Variants in NCOA4 observed in about 807,000 individuals in gnomAD.
NCOA4 encodes nuclear receptor coactivator 4.
A neutral mutation model predicts 69.5 loss-of-function variants in NCOA4; 31 were observed. The ratio of observed to expected loss-of-function variants is 0.45; its 90% CI spans 0.34 to 0.60. The LOEUF (loss-of-function observed/expected upper bound fraction) is 0.60, where lower values mean the gene tolerates loss of function less well. Among genes scored for constraint, NCOA4 ranks in the 20% least tolerant of loss-of-function variants. NCOA4 has a pLI of 0.02. For missense variants in NCOA4, 600 were observed against 719.2 expected (o/e 0.83, Z 1.90); for synonymous variants, 228 against 252.4 (o/e 0.90, Z 0.92).
In NCOA4 at chr10:46,006,429, C is replaced by T. The variant is rs1838811421; in HGVS notation, c.*163G>A. Reference sequence around the variant, plus strand: ...AGCATTTTTCTTTTAAACAGTAACTCATAATCTGATGACTCACTTTGCTTT... The same window carrying T: ...AGCATTTTTCTTTTAAACAGTAACTTATAATCTGATGACTCACTTTGCTTT... On this transcript the variant is annotated 3_prime_UTR_variant, in exon 10 of 10. Coordinates refer to ENST00000581486, the MANE Select transcript of NCOA4 (RefSeq NM_001145263.2). The T allele has an allele frequency of 1.3e-6, 1 of 746,436 alleles. No individual in the cohort carries two copies. Among genetic ancestry groups the T allele is most frequent in the Non-Finnish European group, 2.4e-6 (1 of 420,294 alleles). The allele number at this position is 746,436 out of a possible 1,614,324, so 46.2% of individuals were successfully genotyped here.
Position 46,010,732 on chromosome 10 carries a change from G to A in NCOA4, c.1189C>T (p.Pro397Ser). Residue 397 changes from proline (P) to serine (S), a missense_variant, in exon 8 of 10, where the codon CCA becomes TCA. Physicochemically the swap from Pro to Ser is moderately conservative, Grantham distance 74. Transcript: ENST00000581486. ...CTGCACACCTCCTCTACCTTACATG[G>A]GTCCTGATGGTTCTGGACAAGCCAA... is the stretch of plus-strand genomic sequence containing the variant. The part of the protein sequence containing the change: ...EDWLVQNHQD[P>S]CKVEEVCRAN... 2 of 1,613,820 alleles carry A rather than the reference G, an allele frequency of 1.2e-6. No homozygotes were observed. The highest frequency in any genetic ancestry group is 1.1e-5 in the South Asian group (1 of 91,068).
At position 46,005,268 on chromosome 10, in the gene NCOA4, G is replaced by A. The variant is rs1444756049; in HGVS notation, c.*1324C>T. On this transcript the variant is annotated 3_prime_UTR_variant, in exon 10 of 10. Transcript: ENST00000581486. The stretch of plus-strand genomic sequence containing the variant: ...GATAACTGGAAAGGCTCCTTACATT[G>A]TTTTTGCCCACCACCTTTATATAAT... The A allele has an allele frequency of 1.4e-5, 3 of 214,126 alleles. No homozygotes were observed. The highest frequency in any genetic ancestry group is 6.8e-5 in the African/African-American group (3 of 44,206). 13.3% of individuals were successfully genotyped at this position (214,126 alleles called of 1,614,324 possible). A position where few individuals can be genotyped will look rare whatever the true frequency, so the allele number is the denominator to read the frequency against.
At chr10:46,027,826 C>G (rs73314061) in intron 1 of NCOA4, among the ~76,000 whole-genome samples, 5 of 152,326 alleles carry the variant, frequency 3.3e-5, no homozygotes, top group African/African-American at 9.6e-5. Context: ...AGTGACAAAT[C>G]TTCATTTTCT....
chr10:46,010,559 T>C lies in NCOA4; in HGVS notation c.1362A>G (p.Lys454=), dbSNP rs782566352. The part of the protein sequence containing the change: ...VEPKPEPEKH[K]DSLNMWLCPR... ...GACAGAGCCACATATTCAGGGAATC[T>C]TTATGCTTCTCAGGCTCAGGTTTGG... Residue 454 remains lysine (K), a synonymous_variant, in exon 8 of 10, where the codon AAA becomes AAG. Coordinates refer to ENST00000581486, the MANE Select transcript of NCOA4 (RefSeq NM_001145263.2). The C allele has an allele frequency of 1.9e-6, 3 of 1,614,228 alleles. No homozygotes were observed. The highest frequency in any genetic ancestry group is 1.6e-4 in the Middle Eastern group (1 of 6,062).
chr10:46,018,875 C>T (rs1392314153), intron 1 of NCOA4, among the ~76,000 whole-genome samples: 1 of 152,162 alleles, frequency 6.6e-6, no homozygotes, highest in African/African-American at 2.4e-5. Context: ...GGAACTTTGC[C>T]AGGCCTTGAC....
chr10:46,014,417 C>T lies in NCOA4; in HGVS notation c.480+27G>A, dbSNP rs368949495. 5 of 1,485,124 alleles carry T rather than the reference C, an allele frequency of 3.4e-6. No homozygotes were observed. The South Asian group carries it at 4.6e-5, about 14-fold the overall frequency. 92.0% of individuals were successfully genotyped at this position (1,485,124 alleles called of 1,614,324 possible). On this transcript the variant is annotated intron_variant, in intron 5 of 9. Coordinates refer to ENST00000581486, the MANE Select transcript of NCOA4 (RefSeq NM_001145263.2). ...TGTGAGGCCACAGATATGAGAAGTG[C>T]CCAGTGAAGCATATGAGATTACTCA...
Position 46,010,935 on chromosome 10 carries a change from T to G in NCOA4, c.986A>C (p.Lys329Thr). Residue 329 changes from lysine to threonine, a missense_variant, in exon 8 of 10, where the codon AAG becomes ACG. Physicochemically the swap from Lys to Thr is moderately conservative, Grantham distance 78. Coordinates refer to ENST00000581486, the MANE Select transcript of NCOA4 (RefSeq NM_001145263.2). The part of the protein sequence containing the change: ...NGSRETSEKF[K>T]LLFQSYNVND... ...CACATTATAGGACTGGAATAAGAGC[T>G]TAAACTTCTCACTGGTTTCACGACT... 2 of 1,613,978 alleles carry G rather than the reference T, an allele frequency of 1.2e-6. No individual in the cohort carries two copies. The highest frequency in any genetic ancestry group is 8.5e-7 in the Non-Finnish European group (1 of 1,179,860).
chr10:46,012,858 A>T lies in NCOA4; in HGVS notation c.714+25T>A, dbSNP rs782777563. 1.2e-5 allele frequency: 19 copies of T among 1,613,182 alleles called. No homozygotes were observed. In the Middle Eastern group the frequency reaches 1.5e-3, roughly 128 times the overall value. Reference sequence around the variant, plus strand: ...CTCCACCTACTGCTGTGTCTACTGTAGAAACAATAAAAGCAGCAACAGACC... The same window carrying T: ...CTCCACCTACTGCTGTGTCTACTGTTGAAACAATAAAAGCAGCAACAGACC... On this transcript the variant is annotated intron_variant, in intron 7 of 9. Coordinates refer to ENST00000581486, the MANE Select transcript of NCOA4 (RefSeq NM_001145263.2).
intron 1 of NCOA4, chr10:46,019,390 G>C (rs1839740596): frequency 5.1e-6 from 5 of 985,340 alleles, no homozygotes; most frequent in Admixed American, 1.2e-4. Flanking sequence ...GCTTCACTTT[G>C]CACTTAGGCC....
rs1839160012 is a variant in NCOA4 at position 46,010,795 on chromosome 10, T to C, written c.1126A>G (p.Lys376Glu). The C allele has an allele frequency of 6.2e-7, 1 of 1,613,852 alleles. No individual in the cohort carries two copies. Among genetic ancestry groups the C allele is most frequent in the Non-Finnish European group, 8.5e-7 (1 of 1,179,880 alleles). Residue 376 changes from lysine (K) to glutamate (E), a missense_variant, in exon 8 of 10, where the codon AAG becomes GAG. Physicochemically the swap from Lys to Glu is moderately conservative, Grantham distance 56 (BLOSUM62 1). Transcript: ENST00000581486. ...ATGCTGGGGGTGGACAATGGTTTCTTGGCCTCCAAGTGGTCATTCAGGCAC... is the reference window on the plus strand; with the variant it reads ...ATGCTGGGGGTGGACAATGGTTTCTCGGCCTCCAAGTGGTCATTCAGGCAC... ...LKCLNDHLEA[K>E]KPLSTPSMVT...
intron 5 of NCOA4, among the ~76,000 whole-genome samples, chr10:46,014,089 C>T (rs1183895394): frequency 1.3e-5 from 2 of 152,046 alleles, no homozygotes; most frequent in Admixed American, 6.5e-5. Flanking sequence ...TGCAGTGGCA[C>T]GATCTCAGGT....
chr10:46,029,509 C>T (rs1011449493), intron 1 of NCOA4, among the ~76,000 whole-genome samples: 1 of 152,166 alleles, frequency 6.6e-6, no homozygotes, highest in Non-Finnish European at 1.5e-5. Context: ...ACTTCCTGTG[C>T]CATCCTCATT....
Position 46,010,640 on chromosome 10 carries a change from C to G in NCOA4, c.1281G>C (p.Leu427=), listed in dbSNP as rs782240330. 2 of 1,614,202 alleles carry G rather than the reference C, an allele frequency of 1.2e-6. No individual in the cohort carries two copies. Among genetic ancestry groups the G allele is most frequent in the South Asian group, 2.2e-5 (2 of 91,086 alleles). ...VCDENCEKEA[L]YKWLLKKEGK... Reference sequence around the variant, plus strand: ...CTTCTTTCTTCAGAAGCCACTTATACAGAGCCTCCTTCTCACAATTCTCAT... The same window carrying G: ...CTTCTTTCTTCAGAAGCCACTTATAGAGAGCCTCCTTCTCACAATTCTCAT... Residue 427 remains leucine, a synonymous_variant, in exon 8 of 10, where the codon CTG becomes CTC. Transcript: ENST00000581486.
intron 1 of NCOA4, among the ~76,000 whole-genome samples, chr10:46,018,634 T>C (rs781885995): frequency 2.6e-5 from 4 of 152,168 alleles, no homozygotes; most frequent in Non-Finnish European, 5.9e-5. Context: ...CAGGAGGACA[T>C]GATTACCATT....
At position 46,010,173 on chromosome 10, in the gene NCOA4, GAATA is replaced by G. The variant is rs565275603; in HGVS notation, c.1698+46_1698+49del. 1.4e-4 allele frequency: 219 copies of G among 1,532,246 alleles called. 1 individual carries two copies. In the Admixed American group the frequency reaches 2.2e-3, roughly 15 times the overall value. 94.9% of individuals were successfully genotyped at this position (1,532,246 alleles called of 1,614,324 possible). On this transcript the variant is annotated intron_variant, in intron 8 of 9. Coordinates refer to ENST00000581486, the MANE Select transcript of NCOA4 (RefSeq NM_001145263.2). ...ACAGAGACCCCATCTCAAAATAAAT[GAATA>G]AATAAATAAAACTCAAACCAGTGCT...
At chr10:46,025,781 C>T (rs188379046) in intron 1 of NCOA4, among the ~76,000 whole-genome samples, 32 of 152,294 alleles carry the variant, frequency 2.1e-4, no homozygotes, top group African/African-American at 5.5e-4. Context: ...TATGGGTTTC[C>T]GGCAGGACGC....
In NCOA4 at chr10:46,010,953, T is replaced by G. The variant is rs368269770; in HGVS notation, c.968A>C (p.Glu323Ala). The change falls in exon 8 of 10, where the codon GAA (glutamate) becomes GCA (alanine). Residue 323 changes from glutamate to alanine, a missense_variant. Coordinates refer to ENST00000581486, the MANE Select transcript of NCOA4 (RefSeq NM_001145263.2). ...TAAGAGCTTAAACTTCTCACTGGTT[T>G]CACGACTGCCATTCTCAGGCTTCCG... ...KLRKPENGSRETSEKFKLLFQ... is the reference protein window; with the variant it reads ...KLRKPENGSRATSEKFKLLFQ... The G allele has an allele frequency of 1.1e-5, 17 of 1,613,854 alleles. No homozygotes were observed. Among genetic ancestry groups the G allele is most frequent in the African/African-American group, 2.7e-5 (2 of 74,924 alleles).
At chr10:46,022,165 C>A (rs1176181849) in intron 1 of NCOA4, among the ~76,000 whole-genome samples, 5 of 152,114 alleles carry the variant, frequency 3.3e-5, no homozygotes, top group Non-Finnish European at 7.4e-5. Flanking sequence ...CTCTGCCCCC[C>A]TTGCCACCTG....
chr10:46,025,441 G>A (rs1363115583), intron 1 of NCOA4, among the ~76,000 whole-genome samples: 1 of 152,148 alleles, frequency 6.6e-6, no homozygotes, highest in Admixed American at 6.5e-5. Flanking sequence ...GTTTCTAGAT[G>A]TCCTTAATCC....
Sources: gnomAD v4.1 joint callset for allele counts (sites outside exome capture counted in the v4.1 genomes callset) on GRCh38, gnomAD v4.1.1 for gene constraint, MANE v1.5 for transcripts, NCBI Gene and HGNC (gene_info 2026-07-23, HGNC 2026-07-21) for gene names.